SCP2: variants seen among roughly 807,000 people sequenced by gnomAD.
SCP2 encodes SCP-2/3-oxoacyl-CoA thiolase.
Under a neutral mutation model 71.4 loss-of-function variants are expected in SCP2, and 48 were observed. The observed-to-expected ratio is 0.67, with a 90% CI of 0.53 to 0.86. SCP2 has a LOEUF of 0.86. SCP2 is among the 40% of genes least tolerant of loss of function. SCP2 has a pLI of 0.00. For synonymous variants in SCP2, 220 were observed against 218.1 expected, an observed-to-expected ratio of 1.01 and a Z score of -0.08; for missense variants, 560 against 655.6, an observed-to-expected ratio of 0.85 and a Z score of 1.59.
chr1:53,023,275 T>C (rs568994102), intron 12 of SCP2, among the ~76,000 whole-genome samples: 4 of 152,276 alleles, frequency 2.6e-5, no homozygotes, highest in African/African-American at 9.6e-5. Flanking sequence ...ATGCAAGATG[T>C]GGCAAGTTTG....
At chr1:52,948,339 T>A (rs1351925785) in intron 3 of SCP2, among the ~76,000 whole-genome samples, 1 of 152,174 alleles carries the variant, frequency 6.6e-6, no homozygotes, top group East Asian at 1.9e-4. Flanking sequence ...ACTGTAAAGA[T>A]CTTCTTTGGC....
At chr1:52,998,971 T>G (rs12064208) in intron 11 of SCP2, among the ~76,000 whole-genome samples, 48,094 of 152,132 alleles carry the variant, frequency 0.32, 12,707 homozygotes, top group African/African-American at 0.72. Flanking sequence ...AAGAGATACC[T>G]CAGGAAATCT....
intron 14 of SCP2, among the ~76,000 whole-genome samples, chr1:53,042,615 T>C (rs1336860008): frequency 6.6e-6 from 1 of 152,202 alleles, no homozygotes; most frequent in Non-Finnish European, 1.5e-5. Context: ...AAGCCATCAC[T>C]GGAAATTGCC....
rs774047289 is a variant in SCP2 at position 52,961,066 on chromosome 1, CTTTTTTTTTTTT to C, written c.397-425_397-414del. Among the ~76,000 whole-genome samples the C allele has an allele frequency of 1.4e-4, 13 of 92,198 alleles. No homozygotes were observed. The East Asian group carries it at 2.8e-3, about 20-fold the overall frequency. 60.5% of individuals were successfully genotyped at this position (92,198 alleles called of 152,430 possible). ...CACGCCCAGCCTATTTCCTTTGGTTCTTTTTTTTTTTTTTTTTTTTTTTAATTATACTTTAAG... is the reference window on the plus strand; with the variant it reads ...CACGCCCAGCCTATTTCCTTTGGTTCTTTTTTTTTTTAATTATACTTTAAG... On this transcript the variant is annotated intron_variant, in intron 5 of 15. Transcript: ENST00000371514.
chr1:53,022,790 A>G (rs1661842219), intron 12 of SCP2, among the ~76,000 whole-genome samples: 1 of 151,736 alleles, frequency 6.6e-6, no homozygotes, highest in East Asian at 1.9e-4. Context: ...TTTCCTGGCT[A>G]CTCTGTGCTC....
chr1:53,015,165 A>G, intron 12 of SCP2, 122 bp downstream of exon 12: 1 of 982,618 alleles, frequency 1.0e-6, no homozygotes, highest in Middle Eastern at 2.6e-4. Flanking sequence ...GTATCTCATT[A>G]CATTGTTTTA....
At position 52,954,773 on chromosome 1, in the gene SCP2, A is replaced by G. The variant is rs1286512532; in HGVS notation, c.365A>G (p.Glu122Gly). ...GAATGTGTCTTGGCTCTTGGGTTTG[A>G]GAAGATGAGTAAGGGAAGCCTTGGA... ...VAECVLALGF[E>G]KMSKGSLGIK... The change falls in exon 5 of 16, where the codon GAG becomes GGG. Residue 122 changes from glutamate to glycine, a missense_variant. Glu to Gly is a moderately conservative substitution (Grantham distance 98, BLOSUM62 -2). Coordinates refer to ENST00000371514, the MANE Select transcript of SCP2 (RefSeq NM_002979.5). The G allele has an allele frequency of 3.7e-6, 6 of 1,613,768 alleles. No homozygotes were observed. Among genetic ancestry groups the G allele is most frequent in the Non-Finnish European group, 4.2e-6 (5 of 1,179,784 alleles).
At chr1:52,993,304 A>G in intron 11 of SCP2, 3 of 1,614,210 alleles carry the variant, frequency 1.9e-6, no homozygotes, top group South Asian at 2.2e-5. Context: ...GGACAAGTTC[A>G]TGGAAAGCTT....
intron 7 of SCP2, among the ~76,000 whole-genome samples, chr1:52,976,467 A>G (rs184669135): frequency 2.2e-4 from 34 of 152,320 alleles, no homozygotes; most frequent in Admixed American, 3.9e-4. Flanking sequence ...CAAGCCAGGA[A>G]CCCAGGACAA....
chr1:52,987,006 A>ATATATTTTTTTTTTT (rs1386745740), intron 10 of SCP2, among the ~76,000 whole-genome samples: 7 of 110,506 alleles, frequency 6.3e-5, no homozygotes, highest in African/African-American at 2.4e-4. Context: ...ATATATATAT[A>ATATATTTTTTTTTTT]TTTTTTTTTT....
intron 12 of SCP2, among the ~76,000 whole-genome samples, chr1:53,026,833 A>G (rs1234821501): frequency 1.3e-5 from 2 of 152,106 alleles, no homozygotes; most frequent in African/African-American, 4.8e-5. Context: ...ATGAAATAAT[A>G]GAAGGAAAAG....
intron 6 of SCP2, among the ~76,000 whole-genome samples, chr1:52,962,251 G>A (rs1161309047): frequency 6.6e-6 from 1 of 152,134 alleles, no homozygotes; most frequent in Non-Finnish European, 1.5e-5. Context: ...AGAGGTGAAA[G>A]ATCAAGCTAT....
At chr1:52,935,650 TC>T (rs1443932445) in intron 1 of SCP2, among the ~76,000 whole-genome samples, 1 of 148,876 alleles carries the variant, frequency 6.7e-6, no homozygotes, top group Non-Finnish European at 1.5e-5. Context: ...ATGTCCACAC[TC>T]GGTTGGGTCT....
intron 13 of SCP2, among the ~76,000 whole-genome samples, chr1:53,036,272 C>CAT (rs1018025157): frequency 5.4e-5 from 8 of 148,998 alleles, no homozygotes; most frequent in Non-Finnish European, 8.9e-5. Context: ...TTATATATAA[C>CAT]ATATATATAC....
At chr1:53,028,201 G>A in intron 13 of SCP2, 130 bp downstream of exon 13, 1 of 645,174 alleles carries the variant, frequency 1.5e-6, no homozygotes, top group Non-Finnish European at 2.9e-6. Flanking sequence ...AGTGTAGTTA[G>A]ATTTCTGAGT....
chr1:53,021,032 G>T (rs893515294), intron 12 of SCP2, among the ~76,000 whole-genome samples: 2 of 151,734 alleles, frequency 1.3e-5, no homozygotes, highest in African/African-American at 2.4e-5. Flanking sequence ...TTTAGACAGA[G>T]TCTCACTCTG....
intron 12 of SCP2, among the ~76,000 whole-genome samples, chr1:53,016,376 T>TA (rs1191717078): frequency 6.6e-6 from 1 of 152,114 alleles, no homozygotes; most frequent in Non-Finnish European, 1.5e-5. Flanking sequence ...GACTGTGACT[T>TA]ACATCTCTTG....
chr1:52,972,821 T>G (rs948791423), intron 6 of SCP2, among the ~76,000 whole-genome samples: 3 of 152,366 alleles, frequency 2.0e-5, no homozygotes, highest in Middle Eastern at 3.4e-3. Flanking sequence ...TCATTAGACT[T>G]GTTTCATAAC....
At chr1:52,980,077 G>A (rs1430974611) in intron 9 of SCP2, among the ~76,000 whole-genome samples, 2 of 151,856 alleles carry the variant, frequency 1.3e-5, no homozygotes, top group Admixed American at 6.6e-5. Context: ...GTGCTCAAAC[G>A]ATCCTCCCAG....
Sources: allele counts gnomAD v4.1 joint callset (sites outside exome capture counted in the v4.1 genomes callset), GRCh38; gene constraint gnomAD v4.1.1; transcripts MANE v1.5; gene names NCBI Gene and HGNC (gene_info 2026-07-23, HGNC 2026-07-21).